The following PDIA5 variants were observed in gnomAD, a reference collection of about 807,000 sequenced individuals.
The protein encoded by PDIA5 is protein disulfide-isomerase A5.
A neutral mutation model predicts 77.6 loss-of-function variants in PDIA5; 58 were observed. The ratio of observed to expected loss-of-function variants is 0.75; its 90% confidence interval spans 0.61 to 0.93. The LOEUF (loss-of-function observed/expected upper bound fraction) is 0.93. Among genes scored for constraint, PDIA5 ranks in the 40% least tolerant of loss-of-function variants. The probability of loss-of-function intolerance (pLI) is 0.00; values close to 1 mark genes in which losing one functional copy is unlikely to be tolerated. For missense variants in PDIA5, 630 were observed against 647.7 expected (o/e 0.97, Z 0.30); for synonymous variants, 250 against 252.1 (o/e 0.99, Z 0.08).
At chr3:123,153,850 A>C (rs1935963829) in intron 14 of PDIA5, among the ~76,000 whole-genome samples, 1 of 152,252 alleles carries the variant, frequency 6.6e-6, no homozygotes, top group Admixed American at 6.5e-5. Flanking sequence ...AAAAGGAGAA[A>C]GTAGATGAGC....
chr3:123,156,234 T>C (rs2107993796), intron 15 of PDIA5, among the ~76,000 whole-genome samples: 1 of 151,558 alleles, frequency 6.6e-6, no homozygotes, highest in African/African-American at 2.4e-5. Flanking sequence ...GCAGGCAGAG[T>C]GGGGATGAAC....
At position 123,133,971 on chromosome 3, in the gene PDIA5, TCTTTTCTTTTCTTTTC is replaced by T. The variant is rs1190674214; in HGVS notation, c.910+3402_910+3417del. ...TCTTTCTTTGCAGTGTTGTTTGTTT[TCTTTTCTTTTCTTTTC>T]CTTTTCTTTTCTTTTCCTTTTCTTT... is the stretch of plus-strand genomic sequence containing the variant. On this transcript the variant is annotated intron_variant, in intron 11 of 16. Transcript: ENST00000316218. 5.0e-3 allele frequency among the ~76,000 whole-genome samples: 761 copies of T among 150,868 alleles called. 6 individuals are homozygous for T. The highest frequency in any genetic ancestry group is 0.016 in the African/African-American group (652 of 41,172).
intron 10 of PDIA5, among the ~76,000 whole-genome samples, chr3:123,128,714 T>G (rs1935298977): frequency 6.6e-6 from 1 of 152,104 alleles, no homozygotes; most frequent in Non-Finnish European, 1.5e-5. Flanking sequence ...GGAGTCTCAC[T>G]CTGTTGCCCA....
chr3:123,121,413 C>CG (rs1481760214), intron 8 of PDIA5, among the ~76,000 whole-genome samples: 2 of 152,216 alleles, frequency 1.3e-5, no homozygotes, highest in Non-Finnish European at 2.9e-5. Context: ...AGGCCGAGAC[C>CG]AGGTGTGTCA....
At chr3:123,112,331 A>C (rs1345894893) in intron 7 of PDIA5, among the ~76,000 whole-genome samples, 1 of 152,156 alleles carries the variant, frequency 6.6e-6, no homozygotes, top group South Asian at 2.1e-4. Flanking sequence ...CTGGTTTGTC[A>C]TAGCAAACCA....
chr3:123,128,667 C>T (rs1935297661), intron 10 of PDIA5, among the ~76,000 whole-genome samples: 1 of 152,036 alleles, frequency 6.6e-6, no homozygotes, highest in Admixed American at 6.5e-5. Context: ...GCCACCATGC[C>T]CGACTAATTT....
At chr3:123,125,678 AAACT>A (rs1288690882) in intron 10 of PDIA5, among the ~76,000 whole-genome samples, 49 of 152,320 alleles carry the variant, frequency 3.2e-4, no homozygotes, top group African/African-American at 1.2e-3. Context: ...AATGCACATG[AAACT>A]AACTGTTAGA....
chr3:123,088,967 G>A (rs1212792094), intron 1 of PDIA5: 11 of 507,474 alleles, frequency 2.2e-5, no homozygotes, highest in Non-Finnish European at 3.2e-5. Context: ...CCTTATAAAA[G>A]TGCCTGGAGG....
Position 123,146,161 on chromosome 3 carries a change from C to T in PDIA5, c.1044C>T (p.His348=). 1.2e-6 allele frequency: 2 copies of T among 1,614,008 alleles called. No homozygotes were observed. The highest frequency in any genetic ancestry group is 1.7e-6 in the Non-Finnish European group (2 of 1,179,820). ...ACAAGGCCCTGGCAGAAAGATTCCA[C>T]ATCTCAGAGTTTCCTACGTTGAAGT... The part of the protein sequence containing the change: ...TVNKALAERF[H]ISEFPTLKYF... The change falls in exon 13 of 17, where the codon CAC becomes CAT. Residue 348 remains histidine (H), a synonymous_variant. Transcript: ENST00000316218.
intron 5 of PDIA5, among the ~76,000 whole-genome samples, chr3:123,106,187 T>C (rs928507149): frequency 6.6e-6 from 1 of 152,178 alleles, no homozygotes; most frequent in African/African-American, 2.4e-5. Context: ...ACCTCACTCA[T>C]TCATATACAG....
At chr3:123,077,680 T>G (rs559880718) in intron 1 of PDIA5, among the ~76,000 whole-genome samples, 9 of 152,152 alleles carry the variant, frequency 5.9e-5, no homozygotes, top group Non-Finnish European at 1.3e-4. Context: ...GGTAGTGAGA[T>G]CCCCAAGCTT....
At position 123,084,073 on chromosome 3, in the gene PDIA5, GGA is replaced by G. The variant is rs755771146; in HGVS notation, c.43-5094_43-5093del. ...TTAGCTCTTTGGACCCCATCTCCCT[GGA>G]TTCTCCCTGATCGACCTATCCTGAT... On this transcript the variant is annotated intron_variant, in intron 1 of 16. Coordinates refer to ENST00000316218, the MANE Select transcript of PDIA5 (RefSeq NM_006810.4). 1.1e-4 allele frequency among the ~76,000 whole-genome samples: 17 copies of G among 152,144 alleles called. 1 individual carries two copies. In the East Asian group the frequency reaches 2.9e-3, roughly 26 times the overall value.
At chr3:123,108,281 C>CT (rs1241360740) in intron 6 of PDIA5, among the ~76,000 whole-genome samples, 24,332 of 133,742 alleles carry the variant, frequency 0.18, 2,566 homozygotes, top group Admixed American at 0.31. Flanking sequence ...TTGAAGATGT[C>CT]TTTTTTTTTT....
chr3:123,161,803 G>T (rs758498551), intron 16 of PDIA5, 77 bp from the exon 17 acceptor site: 4 of 950,182 alleles, frequency 4.2e-6, no homozygotes, highest in Non-Finnish European at 6.8e-6. Flanking sequence ...AGGGGCTGGG[G>T]GTGTGGGGAG....
At chr3:123,116,079 C>T in intron 7 of PDIA5, 152 bp from the exon 8 acceptor site, 1 of 690,964 alleles carries the variant, frequency 1.4e-6, no homozygotes, top group Non-Finnish European at 2.6e-6. Flanking sequence ...CCTCCTGTTC[C>T]TTTTGTGTCC....
intron 3 of PDIA5, 125 bp from the exon 4 acceptor site, chr3:123,102,286 C>T: frequency 2.8e-6 from 2 of 711,508 alleles, no homozygotes. Flanking sequence ...TATAGTAAGG[C>T]CTTCATCTGC....
chr3:123,095,905 G>C (rs758632547), intron 3 of PDIA5, among the ~76,000 whole-genome samples: 2 of 152,096 alleles, frequency 1.3e-5, no homozygotes, highest in African/African-American at 4.8e-5. Context: ...GAATCTTCTG[G>C]GAAATGTGGA....
chr3:123,103,621 C>T (rs1432372091), intron 5 of PDIA5, among the ~76,000 whole-genome samples: 2 of 152,196 alleles, frequency 1.3e-5, no homozygotes, highest in Admixed American at 1.3e-4. Context: ...TCTCCCTCTG[C>T]CCTTCCTTCT....
intron 1 of PDIA5, 50 bp downstream of exon 1, chr3:123,067,256 G>T: frequency 2.5e-6 from 3 of 1,220,008 alleles, no homozygotes; most frequent in Non-Finnish European, 3.1e-6. Flanking sequence ...TGTGTCCCGC[G>T]TGCCCTTCTG....
Sources: gnomAD v4.1 joint callset for allele counts (sites outside exome capture counted in the v4.1 genomes callset) on GRCh38, gnomAD v4.1.1 for gene constraint, MANE v1.5 for transcripts, NCBI Gene and HGNC (gene_info 2026-07-23, HGNC 2026-07-21) for gene names.